The following PLCB1 variants were observed in gnomAD, a reference collection of about 807,000 sequenced individuals.
PLCB1 encodes the protein phospholipase C beta 1.
Under a neutral mutation model 161.8 loss-of-function variants are expected in PLCB1, and 46 were observed. The observed-to-expected ratio is 0.28, with a 90% CI of 0.22 to 0.36. The LOEUF (loss-of-function observed/expected upper bound fraction) is 0.36. Among genes scored for constraint, PLCB1 ranks in the 10% least tolerant of loss-of-function variants. PLCB1 has a pLI of 1.00. For missense variants in PLCB1, 1,016 were observed against 1,472.5 expected, an observed-to-expected ratio of 0.69 and a Z score of 5.07; for synonymous variants, 517 against 503.7, an observed-to-expected ratio of 1.03 and a Z score of -0.35.
At chr20:8,316,041 A>G (rs1406728177) in intron 2 of PLCB1, among the ~76,000 whole-genome samples, 3 of 152,148 alleles carry the variant, frequency 2.0e-5, no homozygotes, top group African/African-American at 7.2e-5. Flanking sequence ...GTTACCAGCA[A>G]TTATAATCTT....
intron 2 of PLCB1, among the ~76,000 whole-genome samples, chr20:8,287,992 T>C (rs796895598): frequency 3.9e-5 from 6 of 152,322 alleles, no homozygotes; most frequent in African/African-American, 1.4e-4. Context: ...CCTGTTTAAC[T>C]CTGCTTTAAA....
rs781156880 is a variant in PLCB1, at chr20:8,727,415, A to C, written c.1763+22A>C. 4.8e-6 allele frequency: 6 copies of C among 1,242,256 alleles called. No individual in the cohort carries two copies. The East Asian group carries it at 1.4e-4, about 29-fold the overall frequency. The allele number at this position is 1,242,256 out of a possible 1,614,324, so 77.0% of individuals were successfully genotyped here. ...TAGAGTATCCTTGATTTGACGAATG[A>C]CTGCAGAATGAACACAGCTGAAGTC... On this transcript the variant is annotated intron_variant, in intron 17 of 31. Transcript: ENST00000338037.
chr20:8,607,644 A>G (rs1263773593), intron 3 of PLCB1, among the ~76,000 whole-genome samples: 2 of 151,940 alleles, frequency 1.3e-5, no homozygotes, highest in African/African-American at 4.8e-5. Context: ...TCATTATTTT[A>G]CCTTACCCCA....
At chr20:8,845,756 A>G (rs1986669587) in intron 31 of PLCB1, among the ~76,000 whole-genome samples, 2 of 152,238 alleles carry the variant, frequency 1.3e-5, no homozygotes, top group African/African-American at 4.8e-5. Context: ...GGAAGGAAAA[A>G]AAAAGAAAAT....
chr20:8,609,198 G>T (rs142766684), intron 3 of PLCB1, among the ~76,000 whole-genome samples: 2 of 152,266 alleles, frequency 1.3e-5, no homozygotes, highest in East Asian at 3.9e-4. Context: ...TGGTGCAAAA[G>T]TAATTGCGGT....
intron 31 of PLCB1, among the ~76,000 whole-genome samples, chr20:8,820,159 A>G (rs6056162): frequency 0.087 from 12,921 of 147,942 alleles, 1,613 homozygotes; most frequent in African/African-American, 0.28. Flanking sequence ...GGTGGATACG[A>G]ATTCAACCAG....
chr20:8,350,347 G>T (rs1490421319), intron 2 of PLCB1, among the ~76,000 whole-genome samples: 1 of 152,146 alleles, frequency 6.6e-6, no homozygotes, highest in African/African-American at 2.4e-5. Context: ...GTGGTGTTTG[G>T]TTTTCTGTTC....
chr20:8,260,271 A>G (rs1981627996), intron 2 of PLCB1, among the ~76,000 whole-genome samples: 1 of 149,320 alleles, frequency 6.7e-6, no homozygotes, highest in Admixed American at 6.7e-5. Flanking sequence ...TCTGTTAGAG[A>G]CAAGGTCTTT....
chr20:8,466,369 T>G (rs961627209), intron 3 of PLCB1, among the ~76,000 whole-genome samples: 1 of 150,392 alleles, frequency 6.6e-6, no homozygotes, highest in Non-Finnish European at 1.5e-5. Context: ...ATATACCTAA[T>G]GCTAGATGAC....
At chr20:8,862,610 G>T (rs532320493) in intron 31 of PLCB1, among the ~76,000 whole-genome samples, 1 of 152,086 alleles carries the variant, frequency 6.6e-6, no homozygotes, top group African/African-American at 2.4e-5. Flanking sequence ...GAAAGAAATT[G>T]ATTTTTTTAA....
intron 3 of PLCB1, among the ~76,000 whole-genome samples, chr20:8,427,611 G>A (rs1979843399): frequency 3.9e-5 from 6 of 152,146 alleles, no homozygotes. Flanking sequence ...GGAGATAAGA[G>A]GAAACCCTCA....
intron 3 of PLCB1, among the ~76,000 whole-genome samples, chr20:8,407,222 C>T (rs952271206): frequency 6.6e-6 from 1 of 152,070 alleles, no homozygotes; most frequent in Non-Finnish European, 1.5e-5. Flanking sequence ...TCCCAAGTAA[C>T]TTATGTGGTT....
intron 3 of PLCB1, among the ~76,000 whole-genome samples, chr20:8,543,108 C>A (rs990017391): frequency 6.6e-6 from 1 of 152,006 alleles, no homozygotes; most frequent in African/African-American, 2.4e-5. Flanking sequence ...AATCTCAGGC[C>A]CCACCCCAGA....
intron 26 of PLCB1, among the ~76,000 whole-genome samples, chr20:8,767,986 A>G (rs1208999296): frequency 1.3e-5 from 2 of 152,120 alleles, no homozygotes; most frequent in Non-Finnish European, 2.9e-5. Flanking sequence ...CCTGGGCAAC[A>G]TGGTGAAACC....
intron 12 of PLCB1, among the ~76,000 whole-genome samples, chr20:8,712,532 A>G (rs769113752): frequency 2.0e-4 from 31 of 152,192 alleles, no homozygotes; most frequent in Admixed American, 6.5e-5. Context: ...ACTTGAAAAT[A>G]TATTTTTAAA....
intron 27 of PLCB1, among the ~76,000 whole-genome samples, chr20:8,776,954 A>G (rs1434215184): frequency 1.3e-5 from 2 of 152,160 alleles, no homozygotes; most frequent in Non-Finnish European, 2.9e-5. Context: ...GGAAAGGTTT[A>G]CGCAGAAGGC....
chr20:8,523,138 C>A (rs112144635), intron 3 of PLCB1, among the ~76,000 whole-genome samples: 31 of 152,058 alleles, frequency 2.0e-4, no homozygotes, highest in African/African-American at 7.0e-4. Context: ...TCATATAATC[C>A]TTGGACAAAG....
At chr20:8,372,386 G>A (rs1600351539) in intron 3 of PLCB1, among the ~76,000 whole-genome samples, 1 of 152,126 alleles carries the variant, frequency 6.6e-6, no homozygotes, top group East Asian at 1.9e-4. Context: ...ATTCTTCAGA[G>A]GCGTAAAAAG....
At chr20:8,509,464 G>A (rs1983779629) in intron 3 of PLCB1, among the ~76,000 whole-genome samples, 2 of 152,180 alleles carry the variant, frequency 1.3e-5, no homozygotes, top group Admixed American at 1.3e-4. Flanking sequence ...CACTTTGTTT[G>A]TATTCTAAAA....
Sources: gnomAD v4.1 joint callset for allele counts (sites outside exome capture counted in the v4.1 genomes callset) on GRCh38, gnomAD v4.1.1 for gene constraint, MANE v1.5 for transcripts, NCBI Gene and HGNC (gene_info 2026-07-23, HGNC 2026-07-21) for gene names.